LAMA3: variants seen among roughly 807,000 people sequenced by gnomAD.
LAMA3 encodes the protein laminin subunit alpha 3.
LAMA3 carries 281 observed loss-of-function variants against 402.0 expected under a neutral mutation model. The ratio of observed to expected loss-of-function variants is 0.70; its 90% CI spans 0.63 to 0.77. The LOEUF (loss-of-function observed/expected upper bound fraction) is 0.77. Among genes scored for constraint, LAMA3 ranks in the 30% least tolerant of loss-of-function variants. The pLI, the probability that LAMA3 is intolerant of heterozygous loss-of-function variation, is 0.00. For synonymous variants in LAMA3, 1,431 were observed against 1,558.4 expected, an observed-to-expected ratio of 0.92 and a Z score of 1.93; for missense variants, 3,840 against 4,215.5, an observed-to-expected ratio of 0.91 and a Z score of 2.47.
rs1279563023 is a variant in LAMA3, at chr18:23,703,487, T to C, written c.295-10433T>C. Among the ~76,000 whole-genome samples, 4 of 152,176 alleles carry C rather than the reference T, an allele frequency of 2.6e-5. No homozygotes were observed. In the South Asian group the frequency reaches 8.3e-4, roughly 32 times the overall value. On this transcript the variant is annotated intron_variant, in intron 1 of 74. Transcript: ENST00000313654. ...ATGAGTTAAATGGAATGAGTTGAAA[T>C]GAATTCAAAGGACTCCCCCACCTAG...
At chr18:23,723,687 G>C (rs2145960962) in intron 2 of LAMA3, among the ~76,000 whole-genome samples, 1 of 152,142 alleles carries the variant, frequency 6.6e-6, no homozygotes, top group African/African-American at 2.4e-5. Flanking sequence ...CAGCTTCCTG[G>C]CTGTGTGTAA....
In LAMA3 at chr18:23,813,553, CTT is replaced by C. The variant is rs1164123647; in HGVS notation, c.1788+469_1788+470del. ...TTTTTCTTTTTCTTTTCTTTTCTTTCTTTTTTTTTTTTTTTTTTTTGCTCTTG... is the reference window on the plus strand; with the variant it reads ...TTTTTCTTTTTCTTTTCTTTTCTTTCTTTTTTTTTTTTTTTTTTGCTCTTG... On this transcript the variant is annotated intron_variant, in intron 14 of 74. Coordinates refer to ENST00000313654, the MANE Select transcript of LAMA3 (RefSeq NM_198129.4). Among the ~76,000 whole-genome samples, 108 of 115,012 alleles carry C rather than the reference CTT, an allele frequency of 9.4e-4. No individual in the cohort carries two copies. The South Asian group carries it at 0.026, about 27-fold the overall frequency. 75.5% of individuals were successfully genotyped at this position (115,012 alleles called of 152,430 possible). A position where few individuals can be genotyped will look rare whatever the true frequency, so the allele number is the denominator to read the frequency against.
intron 15 of LAMA3, 73 bp from the exon 16 acceptor site, chr18:23,815,115 G>C: frequency 7.4e-7 from 1 of 1,345,230 alleles, no homozygotes; most frequent in Non-Finnish European, 1.1e-6. Flanking sequence ...TGTTGCAGCT[G>C]TGTAATGTTC....
At chr18:23,900,066 T>TGCGC (rs1430767281) in intron 47 of LAMA3, among the ~76,000 whole-genome samples, 2 of 45,528 alleles carry the variant, frequency 4.4e-5, no homozygotes, top group Non-Finnish European at 2.4e-4. Flanking sequence ...TTTGTGTGTG[T>TGCGC]GTGCGTGTGT....
intron 2 of LAMA3, among the ~76,000 whole-genome samples, chr18:23,730,182 A>G (rs999708746): frequency 7.2e-5 from 11 of 152,304 alleles, no homozygotes; most frequent in Non-Finnish European, 1.2e-4. Flanking sequence ...AGGTGGACAC[A>G]GCTTCATGGC....
Position 23,858,784 on chromosome 18 carries a change from TG to T in LAMA3, c.4379del (p.Gly1460GlufsTer2). 2 of 1,614,216 alleles carry T rather than the reference TG, an allele frequency of 1.2e-6. No homozygotes were observed. The highest frequency in any genetic ancestry group is 1.7e-6 in the Non-Finnish European group (2 of 1,180,020). On this transcript the variant is annotated frameshift_variant, in exon 34 of 75. Coordinates refer to ENST00000313654, the MANE Select transcript of LAMA3 (RefSeq NM_198129.4). LOFTEE classifies it high-confidence loss of function. Reference protein sequence around the residue: ...LKGCTSCFCFGVNNQCHSSHK... With the variant: ...LKGCTSCFCFXVNNQCHSSHK... ...AGGGTTGTACCAGCTGTTTCTGTTT[TG>T]GAGTAAATAATCAATGTCACAGCTC...
At chr18:23,952,205 A>G (rs1484543680) in intron 73 of LAMA3, among the ~76,000 whole-genome samples, 1 of 152,198 alleles carries the variant, frequency 6.6e-6, no homozygotes, top group Non-Finnish European at 1.5e-5. Context: ...AAATAAAAAT[A>G]GGGTATGGCT....
intron 12 of LAMA3, among the ~76,000 whole-genome samples, chr18:23,804,494 G>C (rs2062925156): frequency 1.3e-5 from 2 of 152,152 alleles, no homozygotes; most frequent in Non-Finnish European, 2.9e-5. Context: ...TAGAGTAGTT[G>C]CTACTTCTTG....
At chr18:23,894,071 G>A (rs1287809185) in intron 42 of LAMA3, among the ~76,000 whole-genome samples, 1 of 152,174 alleles carries the variant, frequency 6.6e-6, no homozygotes, top group Admixed American at 6.5e-5. Flanking sequence ...TGGCATGGGT[G>A]AGGGAGGGAA....
chr18:23,814,305 C>A, intron 14 of LAMA3, 98 bp from the exon 15 acceptor site: 2 of 945,800 alleles, frequency 2.1e-6, no homozygotes, highest in Non-Finnish European at 3.5e-6. Flanking sequence ...CTTTTCATGA[C>A]CAAAATATGT....
rs762379158 is a variant in LAMA3, at chr18:23,901,139, T to G, written c.6017T>G (p.Ile2006Arg). 7 of 1,614,052 alleles carry G rather than the reference T, an allele frequency of 4.3e-6. No homozygotes were observed. In the East Asian group the frequency reaches 1.6e-4, roughly 36 times the overall value. The part of the protein sequence containing the change: ...KRESQLLLNR[I>R]RTWQKTHQGE... ...TGATGTATTACAGTGCTGAACCGGA[T>G]AAGGACCTGGCAGAAAACCCACCAG... is the stretch of plus-strand genomic sequence containing the variant. The change falls in exon 48 of 75, where the codon ATA becomes AGA. Residue 2006 changes from isoleucine (I) to arginine (R), a missense_variant. By Grantham distance (97) the Ile-to-Arg change is moderately conservative (BLOSUM62 -3). Around this residue, in one of 3 missense-constraint regions of LAMA3, gnomAD observed 891 missense variants for 857.5 expected, o/e 1.04. Transcript: ENST00000313654.
intron 4 of LAMA3, 71 bp from the exon 5 acceptor site, chr18:23,750,847 T>A: frequency 1.9e-6 from 3 of 1,554,834 alleles, no homozygotes; most frequent in Non-Finnish European, 1.8e-6. Flanking sequence ...TGTGAGTTAT[T>A]TTTACTTACT....
chr18:23,690,177 G>C (rs1402360417), intron 1 of LAMA3, among the ~76,000 whole-genome samples, 200 bp downstream of exon 1: 1 of 152,226 alleles, frequency 6.6e-6, no homozygotes, highest in Non-Finnish European at 1.5e-5. Flanking sequence ...CCACCGGCCC[G>C]AGGCGAGGAG....
chr18:23,916,214 T>C (rs113241675), intron 59 of LAMA3, among the ~76,000 whole-genome samples: 455 of 152,216 alleles, frequency 3.0e-3, no homozygotes, highest in African/African-American at 0.01. Flanking sequence ...AAATATTTAT[T>C]ATTCAGAATA....
At position 23,899,034 on chromosome 18, in the gene LAMA3, G is replaced by A. The variant is rs1330984748; in HGVS notation, c.5805G>A (p.Val1935=). The change falls in exon 46 of 75, where the codon GTG becomes GTA. Residue 1935 remains valine (V), a synonymous_variant. Coordinates refer to ENST00000313654, the MANE Select transcript of LAMA3 (RefSeq NM_198129.4). The stretch of plus-strand genomic sequence containing the variant: ...CACAAAGCGCAAAAGAACTGGATGT[G>A]AAGATTAAAAATGTCATCCGGAATG... ...RATQSAKELD[V]KIKNVIRNVH... is the part of the protein sequence containing the mutation. 6.2e-7 allele frequency: 1 copy of A among 1,613,776 alleles called. No homozygotes were observed. The highest frequency in any genetic ancestry group is 1.7e-5 in the Admixed American group (1 of 60,020).
At chr18:23,721,203 T>C (rs903780183) in intron 2 of LAMA3, among the ~76,000 whole-genome samples, 1 of 152,084 alleles carries the variant, frequency 6.6e-6, no homozygotes, top group Non-Finnish European at 1.5e-5. Context: ...TATATGTATA[T>C]ATACACACAT....
rs1599121619 is a variant in LAMA3 at position 23,928,208 on chromosome 18, G to A, written c.8263G>A (p.Gly2755Arg). 6.2e-7 allele frequency: 1 copy of A among 1,613,322 alleles called. No homozygotes were observed. Among genetic ancestry groups the A allele is most frequent in the Non-Finnish European group, 8.5e-7 (1 of 1,179,252 alleles). The change falls in exon 63 of 75, where the codon GGA (glycine) becomes AGA (arginine). Residue 2755 changes from glycine (G) to arginine (R), a missense_variant. Coordinates refer to ENST00000313654, the MANE Select transcript of LAMA3 (RefSeq NM_198129.4). ...TGTCGTTAGATTGAATGATACTGTG[G>A]GAGTAACCAAAAAGTGCTCGGAAGA... The part of the protein sequence containing the change: ...SGVVRLNDTV[G>R]VTKKCSEDWK...
At position 23,928,611 on chromosome 18, in the gene LAMA3, T is replaced by C. The variant is rs375481776; in HGVS notation, c.8296-14T>C. 1.0e-4 allele frequency: 168 copies of C among 1,613,496 alleles called. No individual in the cohort carries two copies. The African/African-American group carries it at 1.2e-3, about 11-fold the overall frequency. On this transcript the variant is annotated splice_polypyrimidine_tract_variant and intron_variant, in intron 63 of 74. Transcript: ENST00000313654. ...ATTACAATGCCAGTAATTTATTCCATGTTTGCATTTCAGCTTGTGCGATCT... is the reference window on the plus strand; with the variant it reads ...ATTACAATGCCAGTAATTTATTCCACGTTTGCATTTCAGCTTGTGCGATCT...
chr18:23,723,717 T>C (rs367759672), intron 2 of LAMA3, among the ~76,000 whole-genome samples: 3 of 152,184 alleles, frequency 2.0e-5, no homozygotes, highest in African/African-American at 7.2e-5. Context: ...CTAACGAATG[T>C]CTCGGGGTCA....
Sources: allele counts gnomAD v4.1 joint callset (sites outside exome capture counted in the v4.1 genomes callset), GRCh38; gene constraint gnomAD v4.1.1; regional missense constraint gnomAD v4.1.1; transcripts MANE v1.5; gene names NCBI Gene and HGNC (gene_info 2026-07-23, HGNC 2026-07-21).